GMDS: variants seen among roughly 807,000 people sequenced by gnomAD.
GMDS encodes GDP-mannose 4,6-dehydratase, also known as GDP-mannose 4,6 dehydratase.
GMDS carries 20 observed loss-of-function variants against 49.9 expected under a neutral mutation model. That is an observed-to-expected ratio of 0.40 (90% CI 0.28 to 0.58). The LOEUF (loss-of-function observed/expected upper bound fraction) is 0.58, where lower values mean the gene tolerates loss of function less well. Among genes scored for constraint, GMDS ranks in the 20% least tolerant of loss-of-function variants. The probability of loss-of-function intolerance (pLI) is 0.42; values close to 1 mark genes in which losing one functional copy is unlikely to be tolerated. For synonymous variants in GMDS, 177 were observed against 178.6 expected, an observed-to-expected ratio of 0.99 and a Z score of 0.07; for missense variants, 362 against 481.4, an observed-to-expected ratio of 0.75 and a Z score of 2.32.
chr6:2,245,581 G>C lies in GMDS; in HGVS notation c.-159C>G, dbSNP rs940038618. 38 of 406,204 alleles carry C rather than the reference G, an allele frequency of 9.4e-5. No homozygotes were observed. Among genetic ancestry groups the C allele is most frequent in the Non-Finnish European group, 1.5e-4 (36 of 235,118 alleles). The allele number at this position is 406,204 out of a possible 1,614,324, so 25.2% of individuals were successfully genotyped here. ...CGACCGGCCGCCACAGTCTGACAGG[G>C]GCGCACGGGAGGCCGTGCAGGGAGG... On this transcript the variant is annotated 5_prime_UTR_variant, in exon 1 of 11. Coordinates refer to ENST00000380815, the MANE Select transcript of GMDS (RefSeq NM_001500.4).
At chr6:1,807,416 T>C (rs1285710393) in intron 7 of GMDS, among the ~76,000 whole-genome samples, 1 of 152,220 alleles carries the variant, frequency 6.6e-6, no homozygotes, top group Non-Finnish European at 1.5e-5. Flanking sequence ...AGGGATCCCA[T>C]GCTTAAGCTG....
At chr6:1,873,940 A>G (rs187364898) in intron 7 of GMDS, among the ~76,000 whole-genome samples, 1 of 152,294 alleles carries the variant, frequency 6.6e-6, no homozygotes, top group African/African-American at 2.4e-5. Context: ...GAAACAATCA[A>G]TCGATTGTGC....
At chr6:2,012,440 C>T (rs1040032032) in intron 4 of GMDS, among the ~76,000 whole-genome samples, 3 of 151,790 alleles carry the variant, frequency 2.0e-5, no homozygotes, top group African/African-American at 7.3e-5. Context: ...AAAGGACGGA[C>T]AGTTTTATCA....
intron 7 of GMDS, among the ~76,000 whole-genome samples, chr6:1,851,225 GTA>G: frequency 6.6e-6 from 1 of 152,194 alleles, no homozygotes; most frequent in Non-Finnish European, 1.5e-5. Context: ...TAGAAAACTT[GTA>G]TGTTTGTCCC....
intron 9 of GMDS, among the ~76,000 whole-genome samples, chr6:1,654,998 CT>C (rs1763826374): frequency 6.7e-6 from 1 of 148,398 alleles, no homozygotes; most frequent in South Asian, 2.1e-4. Context: ...GAGGCAGAGG[CT>C]GCAGTGAGCC....
chr6:1,782,204 T>G (rs1177512095), intron 7 of GMDS, among the ~76,000 whole-genome samples: 1 of 152,172 alleles, frequency 6.6e-6, no homozygotes, highest in Non-Finnish European at 1.5e-5. Context: ...GCCCAAAATA[T>G]ATTTCTAGCA....
intron 7 of GMDS, among the ~76,000 whole-genome samples, chr6:1,777,121 C>T (rs138898260): frequency 4.9e-4 from 75 of 152,352 alleles, no homozygotes; most frequent in South Asian, 1.4e-3. Context: ...GAATGCCTAC[C>T]GTGTGCCAGG....
At chr6:2,078,235 G>A (rs1772462016) in intron 4 of GMDS, among the ~76,000 whole-genome samples, 1 of 151,958 alleles carries the variant, frequency 6.6e-6, no homozygotes, top group Non-Finnish European at 1.5e-5. Flanking sequence ...TCGTTTAACT[G>A]ATCCTTTGAA....
At chr6:1,880,948 T>C (rs1200210639) in intron 7 of GMDS, among the ~76,000 whole-genome samples, 1 of 151,968 alleles carries the variant, frequency 6.6e-6, no homozygotes, top group Non-Finnish European at 1.5e-5. Flanking sequence ...AGGGTATGAA[T>C]TGTTGATGAA....
At chr6:1,706,988 C>T (rs1277930630) in intron 9 of GMDS, among the ~76,000 whole-genome samples, 1 of 152,206 alleles carries the variant, frequency 6.6e-6, no homozygotes, top group Non-Finnish European at 1.5e-5. Context: ...AAGCATTTGG[C>T]ATCTCATACT....
At chr6:1,789,910 C>G (rs1769468589) in intron 7 of GMDS, among the ~76,000 whole-genome samples, 1 of 152,084 alleles carries the variant, frequency 6.6e-6, no homozygotes, top group Admixed American at 6.6e-5. Context: ...AAAGAAGTGG[C>G]ATATCTGTTT....
intron 4 of GMDS, among the ~76,000 whole-genome samples, chr6:2,003,174 T>C (rs916550030): frequency 6.6e-6 from 1 of 152,120 alleles, no homozygotes. Context: ...TTAGTCATAA[T>C]TAATCTAGAT....
At chr6:1,652,170 G>A (rs1275026503) in intron 9 of GMDS, among the ~76,000 whole-genome samples, 4 of 149,448 alleles carry the variant, frequency 2.7e-5, no homozygotes, top group Non-Finnish European at 4.4e-5. Context: ...TCAAGAGTTC[G>A]AGACCAGCCT....
intron 1 of GMDS, among the ~76,000 whole-genome samples, chr6:2,157,922 T>A (rs1056125763): frequency 2.0e-5 from 3 of 152,346 alleles, no homozygotes; most frequent in African/African-American, 2.4e-5. Flanking sequence ...ACTCTTTCCC[T>A]GAGTATCTAA....
chr6:1,882,809 T>C (rs953816878), intron 7 of GMDS, among the ~76,000 whole-genome samples: 7 of 152,212 alleles, frequency 4.6e-5, no homozygotes, highest in Admixed American at 4.6e-4. Context: ...CATGACATAA[T>C]AGAAAACTCA....
chr6:1,752,198 G>C (rs887223652), intron 7 of GMDS, among the ~76,000 whole-genome samples: 7 of 152,172 alleles, frequency 4.6e-5, no homozygotes, highest in Non-Finnish European at 1.5e-5. Flanking sequence ...TAAATGACCT[G>C]ATGGAGCTGA....
chr6:1,776,338 C>G (rs989423311), intron 7 of GMDS, among the ~76,000 whole-genome samples: 15 of 152,090 alleles, frequency 9.9e-5, no homozygotes, highest in Non-Finnish European at 1.6e-4. Flanking sequence ...GCCATTATTA[C>G]GAAGAATTAT....
intron 1 of GMDS, among the ~76,000 whole-genome samples, chr6:2,237,675 C>T (rs1292128973): frequency 1.3e-5 from 2 of 151,964 alleles, no homozygotes; most frequent in Non-Finnish European, 2.9e-5. Flanking sequence ...GCGCCCACCA[C>T]CATGCCAGGC....
At chr6:2,061,986 T>G (rs1349173952) in intron 4 of GMDS, among the ~76,000 whole-genome samples, 2 of 152,188 alleles carry the variant, frequency 1.3e-5, no homozygotes, top group Non-Finnish European at 2.9e-5. Context: ...CACAGCAAGG[T>G]AGTTGGCCTG....
Sources: gnomAD v4.1 joint callset for allele counts (sites outside exome capture counted in the v4.1 genomes callset) on GRCh38, gnomAD v4.1.1 for gene constraint, MANE v1.5 for transcripts, NCBI Gene and HGNC (gene_info 2026-07-23, HGNC 2026-07-21) for gene names.